The following PCDHA3 variants were observed in gnomAD, a reference collection of about 807,000 sequenced individuals.
PCDHA3 encodes the protein protocadherin alpha 3, also known as protocadherin alpha-3.
Under a neutral mutation model 62.2 loss-of-function variants are expected in PCDHA3, and 41 were observed. That is an observed-to-expected ratio of 0.66 (90% CI 0.51 to 0.86). The LOEUF is 0.86. PCDHA3 is among the 40% of genes least tolerant of loss of function. PCDHA3 has a pLI of 0.00. For missense variants in PCDHA3, 1,304 were observed against 1,241.2 expected (o/e 1.05, Z -0.76); for synonymous variants, 640 against 555.4 (o/e 1.15, Z -2.14).
At chr5:140,831,761 G>T (rs2150109783) in intron 1 of PCDHA3, among the ~76,000 whole-genome samples, 2 of 152,184 alleles carry the variant, frequency 1.3e-5, no homozygotes, top group African/African-American at 4.8e-5. Context: ...TACCAATTTT[G>T]TTTTGTGGAT....
intron 1 of PCDHA3, among the ~76,000 whole-genome samples, chr5:140,855,406 C>T (rs2043455181): frequency 6.7e-6 from 1 of 149,796 alleles, no homozygotes; most frequent in Non-Finnish European, 1.5e-5. Context: ...GATGTTGAAG[C>T]TAATGATCTC....
intron 3 of PCDHA3, among the ~76,000 whole-genome samples, chr5:140,990,610 C>T (rs781969043): frequency 4.6e-5 from 7 of 152,080 alleles, no homozygotes; most frequent in African/African-American, 9.7e-5. Flanking sequence ...AGATGAATAC[C>T]GTAAAGGTCT....
chr5:140,815,100 G>A (rs1368331732), intron 1 of PCDHA3: 1 of 151,938 alleles, frequency 6.6e-6, no homozygotes, highest in Non-Finnish European at 1.5e-5. Context: ...CAAATCTCTT[G>A]TAGTTAGCAT....
At chr5:140,954,297 C>T (rs1369831854) in intron 1 of PCDHA3, among the ~76,000 whole-genome samples, 2 of 152,180 alleles carry the variant, frequency 1.3e-5, no homozygotes, top group African/African-American at 4.8e-5. Flanking sequence ...TGGGTACATA[C>T]CCAGTAATGG....
intron 3 of PCDHA3, among the ~76,000 whole-genome samples, chr5:140,986,392 C>T (rs1331552974): frequency 1.3e-5 from 2 of 152,162 alleles, no homozygotes; most frequent in South Asian, 2.1e-4. Context: ...CATTAAAGGG[C>T]CAGTCGCTCA....
At chr5:140,969,309 A>G in intron 1 of PCDHA3, 2 of 1,614,212 alleles carry the variant, frequency 1.2e-6, no homozygotes, top group Non-Finnish European at 1.7e-6. Context: ...ATTCTCAAAA[A>G]TGAGGCTGTT....
chr5:141,002,234 C>G (rs2098067276), intron 3 of PCDHA3, among the ~76,000 whole-genome samples: 1 of 152,210 alleles, frequency 6.6e-6, no homozygotes, highest in Non-Finnish European at 1.5e-5. Context: ...TTTCTGGAAG[C>G]TCTTTATTAA....
chr5:140,813,905 G>C (rs2126650686), intron 1 of PCDHA3: 1 of 152,418 alleles, frequency 6.6e-6, no homozygotes, highest in African/African-American at 2.4e-5. Context: ...AGGCTGAAGT[G>C]GGAGGATCCT....
chr5:140,926,889 G>A, intron 1 of PCDHA3: 1 of 1,545,026 alleles, frequency 6.5e-7, no homozygotes, highest in Non-Finnish European at 8.7e-7. Context: ...CGCCTAGAGG[G>A]AGGATGGTGG....
chr5:140,853,550 A>G lies in PCDHA3; in HGVS notation c.2394+49959A>G, dbSNP rs1220580978. The G allele has an allele frequency of 5.1e-6, 5 of 979,400 alleles. 1 individual carries two copies. Among genetic ancestry groups the G allele is most frequent in the Non-Finnish European group, 6.2e-6 (5 of 811,998 alleles). 60.7% of individuals were successfully genotyped at this position (979,400 alleles called of 1,614,324 possible). A position where few individuals can be genotyped will look rare whatever the true frequency, so the allele number is the denominator to read the frequency against. On this transcript the variant is annotated intron_variant, in intron 1 of 3. Transcript: ENST00000522353. The stretch of plus-strand genomic sequence containing the variant: ...TGTCTCTTTTCAAGTTGTAATTACT[A>G]TATAGGAAAAACTAAGTTGTCACCC...
intron 1 of PCDHA3, chr5:140,856,086 T>C (rs1554148156): frequency 1.9e-6 from 3 of 1,596,442 alleles, no homozygotes; most frequent in Non-Finnish European, 2.6e-6. Flanking sequence ...GTCCAGTGTC[T>C]GCTGCTCTCG....
At chr5:140,828,106 G>A in intron 1 of PCDHA3, 4 of 1,610,640 alleles carry the variant, frequency 2.5e-6, no homozygotes, top group Non-Finnish European at 3.4e-6. Context: ...TGTTTACCCC[G>A]GAGGATAGAT....
At chr5:140,995,214 C>T (rs1193715389) in intron 3 of PCDHA3, among the ~76,000 whole-genome samples, 2 of 152,136 alleles carry the variant, frequency 1.3e-5, no homozygotes, top group Admixed American at 6.6e-5. Flanking sequence ...AGGCACAATA[C>T]TCTTGTGCTT....
intron 1 of PCDHA3, among the ~76,000 whole-genome samples, chr5:140,969,881 G>A (rs1554232131): frequency 6.6e-6 from 1 of 152,196 alleles, no homozygotes; most frequent in African/African-American, 2.4e-5. Context: ...CTATGTGATA[G>A]GATCCTCTGG....
At chr5:140,822,636 T>C (rs147180015) in intron 1 of PCDHA3, 177 of 1,610,778 alleles carry the variant, frequency 1.1e-4, no homozygotes, top group African/African-American at 4.4e-4. Flanking sequence ...TTCTTGACGA[T>C]GTAAAGTCCA....
intron 1 of PCDHA3, among the ~76,000 whole-genome samples, chr5:140,826,566 GT>G (rs1768969925): frequency 6.6e-6 from 1 of 152,130 alleles, no homozygotes; most frequent in Non-Finnish European, 1.5e-5. Flanking sequence ...TGAAGGAGGG[GT>G]TTAATCACTT....
intron 1 of PCDHA3, among the ~76,000 whole-genome samples, chr5:140,964,516 C>G (rs1410737676): frequency 6.6e-6 from 1 of 152,006 alleles, no homozygotes; most frequent in African/African-American, 2.4e-5. Flanking sequence ...ACCCAGTGGC[C>G]AGGTCTCTGA....
intron 1 of PCDHA3, chr5:140,882,353 G>A (rs782054546): frequency 2.5e-6 from 4 of 1,614,174 alleles, no homozygotes; most frequent in Non-Finnish European, 3.4e-6. Flanking sequence ...GACGGGTAGT[G>A]GCCAGCTCCA....
chr5:141,002,335 ACC>A (rs1554258611), intron 3 of PCDHA3, among the ~76,000 whole-genome samples: 81 of 152,230 alleles, frequency 5.3e-4, no homozygotes, highest in African/African-American at 2.0e-3. Flanking sequence ...CTGCATCCGC[ACC>A]CCTTCCCCCA....
Sources: gnomAD v4.1 joint callset for allele counts (sites outside exome capture counted in the v4.1 genomes callset) on GRCh38, gnomAD v4.1.1 for gene constraint, MANE v1.5 for transcripts, NCBI Gene and HGNC (gene_info 2026-07-23, HGNC 2026-07-21) for gene names.